Variants in PIK3C2B observed in about 807,000 individuals in gnomAD.
PIK3C2B encodes the protein phosphatidylinositol 4-phosphate 3-kinase C2 domain-containing subunit beta.
In PIK3C2B, 83 loss-of-function variants were observed where a neutral mutation model predicts 184.3. That is an observed-to-expected ratio of 0.45 (90% confidence interval 0.38 to 0.54). The LOEUF (loss-of-function observed/expected upper bound fraction) is 0.54. Ranked by LOEUF, PIK3C2B falls within the 20% of genes least tolerant of loss-of-function variation. PIK3C2B has a pLI of 0.00. For synonymous variants in PIK3C2B, 779 were observed against 837.6 expected (o/e 0.93, Z 1.21); for missense variants, 1,736 against 2,113.5 (o/e 0.82, Z 3.50).
chr1:204,424,821 C>T lies in PIK3C2B; in HGVS notation c.*31G>A. The stretch of plus-strand genomic sequence containing the variant: ...CCTCTCCCCCAGCTCCTGCCACCAG[C>T]CTGGGATGCTGGGTGGTGGCTCTGC... On this transcript the variant is annotated 3_prime_UTR_variant, in exon 33 of 33. Transcript: ENST00000684373. The T allele has an allele frequency of 1.2e-6, 2 of 1,610,260 alleles. No individual in the cohort carries two copies. Among genetic ancestry groups the T allele is most frequent in the Non-Finnish European group, 8.5e-7 (1 of 1,176,754 alleles).
In PIK3C2B at chr1:204,455,942, G is replaced by A; in HGVS notation, c.1857C>T (p.Asp619=). ...QTAVPGSRKH[D]LVQEACHFAR... ...CGAAATGGCAGGCCTCCTGGACCAG[G>A]TCATGCTTGCGGCTCCCGGGCACTG... Residue 619 remains aspartate, a synonymous_variant, in exon 11 of 33, where the codon GAC becomes GAT. Coordinates refer to ENST00000684373, the MANE Select transcript of PIK3C2B (RefSeq NM_001377334.1). 6.2e-7 allele frequency: 1 copy of A among 1,614,202 alleles called. No homozygotes were observed. The highest frequency in any genetic ancestry group is 8.5e-7 in the Non-Finnish European group (1 of 1,180,014).
rs531021724 is a variant in PIK3C2B at position 204,476,342 on chromosome 1, CG to C, written c.-84-6457del. 4.6e-3 allele frequency among the ~76,000 whole-genome samples: 701 copies of C among 152,016 alleles called. 5 individuals carry two copies. Among genetic ancestry groups the C allele is most frequent in the African/African-American group, 0.016 (665 of 41,454 alleles). ...TCCCAAGGACTTTGGGAAGCCGAGG[CG>C]GGGGGATTGCTTGAGCCCAGGGTTC... On this transcript the variant is annotated intron_variant, in intron 1 of 32. Transcript: ENST00000684373.
intron 1 of PIK3C2B, among the ~76,000 whole-genome samples, chr1:204,486,315 A>T (rs1390799293): frequency 6.6e-6 from 1 of 151,422 alleles, no homozygotes; most frequent in East Asian, 1.9e-4. Context: ...GAATCACTTG[A>T]ACCCGGGAGG....
intron 1 of PIK3C2B, among the ~76,000 whole-genome samples, chr1:204,486,517 G>T (rs1477573134): frequency 6.6e-6 from 1 of 151,874 alleles, no homozygotes; most frequent in Non-Finnish European, 1.5e-5. Flanking sequence ...GATCACCTGA[G>T]GTAGGGAGTT....
Position 204,476,379 on chromosome 1 carries a change from C to T in PIK3C2B, c.-84-6493G>A, listed in dbSNP as rs142979474. ...TTGAGCCCAGGGTTCAAGACCATCC[C>T]TATGGGGGGAAAAAAAATTAGCTGG... On this transcript the variant is annotated intron_variant, in intron 1 of 32. Coordinates refer to ENST00000684373, the MANE Select transcript of PIK3C2B (RefSeq NM_001377334.1). Among the ~76,000 whole-genome samples, 149 of 152,020 alleles carry T rather than the reference C, an allele frequency of 9.8e-4. 1 individual carries two copies. The highest frequency in any genetic ancestry group is 3.4e-3 in the African/African-American group (142 of 41,424).
At chr1:204,493,528 C>CACACACAT (rs1658152252) in intron 1 of PIK3C2B, among the ~76,000 whole-genome samples, 2 of 148,920 alleles carry the variant, frequency 1.3e-5, no homozygotes, top group African/African-American at 5.1e-5. Flanking sequence ...GCAGAAAACA[C>CACACACAT]ACACACACAC....
chr1:204,485,576 C>A (rs540996477), intron 1 of PIK3C2B, among the ~76,000 whole-genome samples: 13 of 140,434 alleles, frequency 9.3e-5, no homozygotes, highest in Non-Finnish European at 1.4e-4. Flanking sequence ...GTCATTCTTC[C>A]TTTTTTTTTT....
chr1:204,450,236 T>G (rs1654235779), intron 12 of PIK3C2B: 1 of 507,482 alleles, frequency 2.0e-6, no homozygotes, highest in Admixed American at 3.6e-5. Context: ...GTGGTGTCCT[T>G]GGAGCTTTGC....
At chr1:204,456,907 CCCACA>C (rs1654906835) in intron 10 of PIK3C2B, 125 bp downstream of exon 10, 2 of 129,898 alleles carry the variant, frequency 1.5e-5, no homozygotes, top group African/African-American at 8.4e-5. Context: ...CACACACACA[CCCACA>C]CACACACACA....
At chr1:204,459,670 A>G (rs1421455750) in intron 8 of PIK3C2B, among the ~76,000 whole-genome samples, 1 of 152,066 alleles carries the variant, frequency 6.6e-6, no homozygotes, top group African/African-American at 2.4e-5. Flanking sequence ...TCTATAGAGG[A>G]GCAGAATCCC....
chr1:204,476,056 C>G (rs527569447), intron 1 of PIK3C2B, among the ~76,000 whole-genome samples: 31 of 152,302 alleles, frequency 2.0e-4, no homozygotes, highest in African/African-American at 6.5e-4. Context: ...GTTCAGAGAG[C>G]AGCAGCCAGA....
At chr1:204,427,832 C>T in intron 30 of PIK3C2B, 78 bp from the exon 31 acceptor site, 1 of 968,234 alleles carries the variant, frequency 1.0e-6, no homozygotes, top group Admixed American at 1.9e-5. Flanking sequence ...CCCCTTGCCC[C>T]AGCCTCTCCA....
Position 204,443,608 on chromosome 1 carries a change from G to A in PIK3C2B, c.2868-11C>T. On this transcript the variant is annotated splice_polypyrimidine_tract_variant and intron_variant, in intron 18 of 32. Transcript: ENST00000684373. ...CCGTCCTTCAGTAACCTGCAAGGCA[G>A]AGGGAGTCAGGAGTCAGGGCACTCC... is the stretch of plus-strand genomic sequence containing the variant. The A allele has an allele frequency of 6.2e-7, 1 of 1,613,286 alleles. No individual in the cohort carries two copies. Among genetic ancestry groups the A allele is most frequent in the Non-Finnish European group, 8.5e-7 (1 of 1,179,248 alleles).
At chr1:204,470,625 A>C (rs1164227415) in intron 1 of PIK3C2B, among the ~76,000 whole-genome samples, 2 of 152,256 alleles carry the variant, frequency 1.3e-5, no homozygotes, top group African/African-American at 4.8e-5. Context: ...CATACACCTA[A>C]CACAGGATTC....
intron 22 of PIK3C2B, 25 bp downstream of exon 22, chr1:204,440,167 A>G (rs1202956705): frequency 6.2e-7 from 1 of 1,602,378 alleles, no homozygotes; most frequent in Non-Finnish European, 8.5e-7. Flanking sequence ...CCCCTCCTCC[A>G]CCCTCACCCC....
rs1354191359 is a variant in PIK3C2B, at chr1:204,433,830, C to T, written c.3806G>A (p.Arg1269His). 1.2e-6 allele frequency: 2 copies of T among 1,614,024 alleles called. No homozygotes were observed. The highest frequency in any genetic ancestry group is 1.7e-6 in the Non-Finnish European group (2 of 1,180,006). Reference sequence around the variant, plus strand: ...GTTGAGGAAGAGGTGGGTGTGCTTGCGAATGAGGTTGTAGGCTTGGCAGCA... The same window carrying T: ...GTTGAGGAAGAGGTGGGTGTGCTTGTGAATGAGGTTGTAGGCTTGGCAGCA... ...DLCCQAYNLIRKHTHLFLNLL... is the reference protein window; with the variant it reads ...DLCCQAYNLIHKHTHLFLNLL... Residue 1269 changes from arginine to histidine, a missense_variant, in exon 25 of 33, where the codon CGC (arginine) becomes CAC (histidine). This residue lies in a region of PIK3C2B where 119 missense variants were observed against 179.3 expected (regional missense o/e 0.66). Coordinates refer to ENST00000684373, the MANE Select transcript of PIK3C2B (RefSeq NM_001377334.1). This position sits in a 1 kb window ranked among gnomAD's most constrained non-coding sequence, Gnocchi z 5.0.
intron 12 of PIK3C2B, 38 bp downstream of exon 12, chr1:204,454,631 C>T (rs777574826): frequency 1.9e-6 from 3 of 1,609,476 alleles, no homozygotes; most frequent in Middle Eastern, 2.2e-4. Context: ...AGCAGGTCTA[C>T]AGTGGCCTGG....
chr1:204,493,327 T>C (rs927008934), intron 1 of PIK3C2B, among the ~76,000 whole-genome samples: 1 of 152,108 alleles, frequency 6.6e-6, no homozygotes, highest in African/African-American at 2.4e-5. Flanking sequence ...TCTGGTGCCA[T>C]GCTGGGACCA....
chr1:204,440,617 G>A (rs1441107894), intron 21 of PIK3C2B, among the ~76,000 whole-genome samples: 3 of 90,136 alleles, frequency 3.3e-5, no homozygotes, highest in African/African-American at 1.3e-4. Context: ...TTTTTTTTGA[G>A]ACAGTGTCTC....
Sources: allele counts gnomAD v4.1 joint callset (sites outside exome capture counted in the v4.1 genomes callset), GRCh38; gene constraint gnomAD v4.1.1; regional missense constraint gnomAD v4.1.1; non-coding constraint Gnocchi (gnomAD v3.1); transcripts MANE v1.5; gene names NCBI Gene and HGNC (gene_info 2026-07-23, HGNC 2026-07-21).